The following RERE variants were observed in gnomAD, a reference collection of about 807,000 sequenced individuals.
RERE encodes arginine-glutamic acid dipeptide repeats protein.
In RERE, 40 loss-of-function variants were observed where a neutral mutation model predicts 146.1. The ratio of observed to expected loss-of-function variants is 0.27; its 90% CI spans 0.21 to 0.36. The LOEUF (loss-of-function observed/expected upper bound fraction) is 0.36. RERE is among the 10% of genes least tolerant of loss of function. RERE has a pLI of 1.00. For missense variants in RERE, 1,933 were observed against 2,138.7 expected (o/e 0.90, Z 1.90); for synonymous variants, 1,003 against 866.0 (o/e 1.16, Z -2.78).
intron 1 of RERE, among the ~76,000 whole-genome samples, chr1:8,731,613 A>C (rs1640086060): frequency 6.6e-6 from 1 of 152,132 alleles, no homozygotes; most frequent in African/African-American, 2.4e-5. Context: ...ATGCATTACA[A>C]CTGACAGAGC....
chr1:8,440,134 C>T (rs1029130676), intron 11 of RERE, among the ~76,000 whole-genome samples: 3 of 152,208 alleles, frequency 2.0e-5, no homozygotes, highest in South Asian at 2.1e-4. Flanking sequence ...TTGTGCCCAA[C>T]ACCAACTCTA....
intron 1 of RERE, among the ~76,000 whole-genome samples, chr1:8,780,043 T>C (rs1298546193): frequency 4.6e-5 from 7 of 152,042 alleles, no homozygotes; most frequent in Non-Finnish European, 8.8e-5. Flanking sequence ...AATACAAAAA[T>C]TAGTCAGGCA....
intron 1 of RERE, chr1:8,750,376 G>A (rs1640508401): frequency 1.5e-6 from 1 of 656,920 alleles, no homozygotes; most frequent in African/African-American, 1.8e-5. Flanking sequence ...ATCTGTGAGT[G>A]TCACAAACCC....
At chr1:8,808,561 T>C (rs889122619) in intron 1 of RERE, among the ~76,000 whole-genome samples, 30 of 152,232 alleles carry the variant, frequency 2.0e-4, no homozygotes, top group Admixed American at 2.0e-3. Flanking sequence ...GTATTATTAT[T>C]ATCTCAATTT....
chr1:8,522,196 A>G (rs1645510684), intron 7 of RERE, among the ~76,000 whole-genome samples: 1 of 152,260 alleles, frequency 6.6e-6, no homozygotes. Flanking sequence ...AGAGATGATA[A>G]CTAATTATCT....
intron 1 of RERE, among the ~76,000 whole-genome samples, chr1:8,797,215 A>C (rs1211854246): frequency 6.6e-6 from 1 of 152,182 alleles, no homozygotes; most frequent in Non-Finnish European, 1.5e-5. Context: ...AAAAAAATTA[A>C]AAGTTGTTTT....
intron 12 of RERE, among the ~76,000 whole-genome samples, chr1:8,414,321 C>A (rs930826714): frequency 6.6e-6 from 1 of 151,790 alleles, no homozygotes; most frequent in African/African-American, 2.4e-5. Flanking sequence ...CAGAGGCGGG[C>A]GAATCATGAG....
At chr1:8,585,146 C>CAAAAAAAAAAAAAAA (rs3082123) in intron 4 of RERE, among the ~76,000 whole-genome samples, 4 of 130,122 alleles carry the variant, frequency 3.1e-5, no homozygotes, top group African/African-American at 1.2e-4. Context: ...GACTCCATCT[C>CAAAAAAAAAAAAAAA]AAAAAAAAAA....
intron 9 of RERE, among the ~76,000 whole-genome samples, chr1:8,496,427 T>C (rs1645046612): frequency 6.6e-6 from 1 of 151,514 alleles, no homozygotes; most frequent in East Asian, 1.9e-4. Flanking sequence ...TAGTGAGCTA[T>C]AATTGTGCCA....
rs1167501074 is a variant in RERE, at chr1:8,607,534, C to CTTTTTTTTTTTTTTTTTTTT, written c.522+7007_522+7026dup. Among the ~76,000 whole-genome samples the CTTTTTTTTTTTTTTTTTTTT allele has an allele frequency of 1.2e-3, 58 of 48,586 alleles. 11 individuals are homozygous for CTTTTTTTTTTTTTTTTTTTT. The highest frequency in any genetic ancestry group is 4.6e-3 in the South Asian group (4 of 866). 31.9% of individuals were successfully genotyped at this position (48,586 alleles called of 152,430 possible). A position where few individuals can be genotyped will look rare whatever the true frequency, so the allele number is the denominator to read the frequency against. On this transcript the variant is annotated intron_variant, in intron 4 of 22. Coordinates refer to ENST00000400908, the MANE Select transcript of RERE (RefSeq NM_001042681.2). ...CGCATATTTGTTTTTATATATATTT[C>CTTTTTTTTTTTTTTTTTTTT]TTTTTTTTTTTTTTTTTTTTTTTTT...
intron 9 of RERE, among the ~76,000 whole-genome samples, chr1:8,496,120 G>A (rs553630069): frequency 2.1e-5 from 3 of 146,244 alleles, no homozygotes; most frequent in East Asian, 2.0e-4. Flanking sequence ...TCATGATTAT[G>A]CCACTGCACT....
Position 8,364,304 on chromosome 1 carries a change from C to G in RERE, c.1541-49G>C. The G allele has an allele frequency of 2.0e-6, 3 of 1,527,398 alleles. No homozygotes were observed. In the South Asian group the frequency reaches 3.4e-5, roughly 17 times the overall value. 94.6% of individuals were successfully genotyped at this position (1,527,398 alleles called of 1,614,324 possible). The stretch of plus-strand genomic sequence containing the variant: ...CCAACCTTGGAAACCATCCCTCTCC[C>G]TGGGGATGTCTGGGCAGAGGGGCCC... On this transcript the variant is annotated intron_variant, in intron 14 of 22. Coordinates refer to ENST00000400908, the MANE Select transcript of RERE (RefSeq NM_001042681.2). The surrounding 1 kb of genome is among the most constrained non-coding windows in gnomAD (Gnocchi z 5.1).
At chr1:8,417,071 G>A (rs955554395) in intron 12 of RERE, among the ~76,000 whole-genome samples, 53 of 152,294 alleles carry the variant, frequency 3.5e-4, no homozygotes, top group African/African-American at 1.2e-3. Flanking sequence ...AGCATCAACC[G>A]ACTAAGGAAG....
Position 8,794,459 on chromosome 1 carries a change from T to C in RERE, c.-145+22701A>G, listed in dbSNP as rs374448035. Among the ~76,000 whole-genome samples the C allele has an allele frequency of 4.6e-5, 7 of 151,476 alleles. No homozygotes were observed. The East Asian group carries it at 7.8e-4, about 17-fold the overall frequency. ...TTTATATTAAAGGGTCCTGGACCTGTGATTGTTGAGGTGGCAGGGAAAACT... is the reference window on the plus strand; with the variant it reads ...TTTATATTAAAGGGTCCTGGACCTGCGATTGTTGAGGTGGCAGGGAAAACT... On this transcript the variant is annotated intron_variant, in intron 1 of 22. Coordinates refer to ENST00000400908, the MANE Select transcript of RERE (RefSeq NM_001042681.2).
At chr1:8,436,586 A>G (rs1570235822) in intron 11 of RERE, among the ~76,000 whole-genome samples, 1 of 152,218 alleles carries the variant, frequency 6.6e-6, no homozygotes, top group East Asian at 1.9e-4. Context: ...ATCCTCCGTG[A>G]GAGGATTTTG....
At chr1:8,581,203 T>C (rs894871096) in intron 4 of RERE, among the ~76,000 whole-genome samples, 9 of 152,200 alleles carry the variant, frequency 5.9e-5, no homozygotes, top group Non-Finnish European at 1.2e-4. Context: ...TTGGGGATCT[T>C]ATTGTGACTT....
chr1:8,550,448 AG>A (rs1249630724), intron 6 of RERE, among the ~76,000 whole-genome samples: 1 of 152,224 alleles, frequency 6.6e-6, no homozygotes. Flanking sequence ...AAGCCAGATA[AG>A]GATTCTTAAA....
intron 1 of RERE, chr1:8,786,186 T>C: frequency 1.5e-6 from 1 of 675,672 alleles, no homozygotes; most frequent in Non-Finnish European, 2.6e-6. Flanking sequence ...AAAATAATTG[T>C]GGTAAACACC....
intron 7 of RERE, among the ~76,000 whole-genome samples, chr1:8,525,209 G>A (rs1159983413): frequency 6.6e-6 from 1 of 152,158 alleles, no homozygotes; most frequent in Non-Finnish European, 1.5e-5. Flanking sequence ...ATTCACAACT[G>A]TTCCCTGAAT....
Sources: allele counts gnomAD v4.1 joint callset (sites outside exome capture counted in the v4.1 genomes callset), GRCh38; gene constraint gnomAD v4.1.1; non-coding constraint Gnocchi (gnomAD v3.1); transcripts MANE v1.5; gene names NCBI Gene and HGNC (gene_info 2026-07-23, HGNC 2026-07-21).